CCNH: variants seen among roughly 807,000 people sequenced by gnomAD.
CCNH encodes the protein cyclin H, also known as cyclin-H.
A neutral mutation model predicts 41.9 loss-of-function variants in CCNH; 31 were observed. That is an observed-to-expected ratio of 0.74 (90% CI 0.56 to 1.00). The LOEUF (loss-of-function observed/expected upper bound fraction) is 1.00. CCNH is among the 50% of genes least tolerant of loss of function. The pLI is 0.00. For synonymous variants in CCNH, 138 were observed against 136.1 expected (o/e 1.01, Z -0.10); for missense variants, 362 against 388.4 (o/e 0.93, Z 0.57).
chr5:87,378,167 G>A (rs574720084), upstream of CCNH, among the ~76,000 whole-genome samples: 2 of 152,274 alleles, frequency 1.3e-5, no homozygotes, highest in South Asian at 4.1e-4. Context: ...ACATGGCAGT[G>A]TTAATCCCTT....
intron 9 of CCNH, among the ~76,000 whole-genome samples, chr5:87,320,733 C>T (rs1006349205): frequency 6.6e-6 from 1 of 152,194 alleles, no homozygotes; most frequent in Non-Finnish European, 1.5e-5. Flanking sequence ...GCAACCATAT[C>T]AGAGGGAGGT....
chr5:87,354,894 T>G (rs1759538043), intron 9 of CCNH, among the ~76,000 whole-genome samples: 1 of 152,152 alleles, frequency 6.6e-6, no homozygotes, highest in African/African-American at 2.4e-5. Flanking sequence ...GATTGAAGAT[T>G]AAACCAGGGA....
At chr5:87,409,696 TTAGA>T (rs1764081229) in intron 2 of CCNH, among the ~76,000 whole-genome samples, 1 of 151,500 alleles carries the variant, frequency 6.6e-6, no homozygotes, top group Non-Finnish European at 1.5e-5. Flanking sequence ...ATGTTCTGAA[TTAGA>T]TAAATTCAGG....
intron 1 of CCNH, chr5:87,412,429 A>T: frequency 2.2e-6 from 3 of 1,353,362 alleles, no homozygotes; most frequent in Non-Finnish European, 2.9e-6. Context: ...TTAGCACACT[A>T]CTTACTCTCT....
At chr5:87,362,315 AGTT>A (rs1377721297) in intron 9 of CCNH, among the ~76,000 whole-genome samples, 4 of 152,174 alleles carry the variant, frequency 2.6e-5, no homozygotes, top group African/African-American at 7.2e-5. Context: ...ACAACTTATT[AGTT>A]GTTCTTGGGA....
intron 7 of CCNH, among the ~76,000 whole-genome samples, chr5:87,398,090 C>T (rs1023191921): frequency 2.6e-5 from 4 of 152,220 alleles, no homozygotes; most frequent in Non-Finnish European, 5.9e-5. Context: ...AACATTACTT[C>T]TCTGTAACCA....
At chr5:87,354,437 G>A (rs1355234692) in intron 9 of CCNH, among the ~76,000 whole-genome samples, 1 of 152,044 alleles carries the variant, frequency 6.6e-6, no homozygotes, top group Non-Finnish European at 1.5e-5. Context: ...GATCTTTAAT[G>A]TTACTATTGC....
upstream of CCNH, chr5:87,378,432 C>G: frequency 6.2e-7 from 1 of 1,612,946 alleles, no homozygotes; most frequent in Non-Finnish European, 8.5e-7. Context: ...ACAACACTTG[C>G]AAGCACCTTG....
At chr5:87,391,789 A>G (rs1762545599), downstream of CCNH, 1 of 231,704 alleles carries the variant, frequency 4.3e-6, no homozygotes, top group Admixed American at 5.6e-5. Context: ...CCATCTTTGA[A>G]CTTCTGACTA....
In CCNH at chr5:87,333,286, G is replaced by A. The variant is rs753769946; in HGVS notation, c.*91-14389C>T. 7 of 1,612,710 alleles carry A rather than the reference G, an allele frequency of 4.3e-6. No homozygotes were observed. Among genetic ancestry groups the A allele is most frequent in the Non-Finnish European group, 5.9e-6 (7 of 1,179,360 alleles). On this transcript the variant is annotated intron_variant and NMD_transcript_variant, in intron 9 of 9. Coordinates refer to the CCNH transcript ENST00000645953. ...TTCTAGCCAGTAGAAGATAGAAGGC[G>A]TGTACGAGCTATTCTACCTTACACA...
In CCNH at chr5:87,320,238, T is replaced by A. The variant is rs1457901036; in HGVS notation, c.*91-1341A>T. The stretch of plus-strand genomic sequence containing the variant: ...AGGAAGTCTGAAACTTTCCCACATC[T>A]TCTGTCTTCTTCTGATCTCTCCAAA... On this transcript the variant is annotated intron_variant and NMD_transcript_variant, in intron 9 of 9. Coordinates refer to the CCNH transcript ENST00000645953. Among the ~76,000 whole-genome samples, 3 of 152,228 alleles carry A rather than the reference T, an allele frequency of 2.0e-5. No homozygotes were observed. In the East Asian group the frequency reaches 5.8e-4, roughly 29 times the overall value.
chr5:87,366,685 GAA>G (rs1394314305), intron 9 of CCNH, among the ~76,000 whole-genome samples: 4 of 152,184 alleles, frequency 2.6e-5, no homozygotes, highest in Non-Finnish European at 5.9e-5. Context: ...AACCTAGTAT[GAA>G]AAAGTTATGT....
intron 9 of CCNH, among the ~76,000 whole-genome samples, chr5:87,342,972 A>G (rs1758590721): frequency 6.6e-6 from 1 of 152,134 alleles, no homozygotes; most frequent in South Asian, 2.1e-4. Context: ...TTTTTATCTG[A>G]TAGCATTGTC....
At chr5:87,327,033 A>G (rs962026200) in intron 9 of CCNH, among the ~76,000 whole-genome samples, 3 of 152,230 alleles carry the variant, frequency 2.0e-5, no homozygotes, top group African/African-American at 7.2e-5. Flanking sequence ...AATCAGTCCC[A>G]TATCCTTTGA....
At chr5:87,412,296 C>CA (rs1764313660) in intron 1 of CCNH, 1 of 512,006 alleles carries the variant, frequency 2.0e-6, no homozygotes, top group South Asian at 4.9e-5. Flanking sequence ...ACCTCCCTCC[C>CA]ACTCTGAACG....
intron 9 of CCNH, among the ~76,000 whole-genome samples, chr5:87,352,366 G>A (rs1165494070): frequency 1.3e-5 from 2 of 151,372 alleles, no homozygotes; most frequent in Non-Finnish European, 3.0e-5. Context: ...AAATCTGTCT[G>A]GAGAAGTGTT....
At chr5:87,334,012 C>A in intron 9 of CCNH, among the ~76,000 whole-genome samples, 1 of 152,094 alleles carries the variant, frequency 6.6e-6, no homozygotes, top group East Asian at 1.9e-4. Context: ...TTTAGGACAG[C>A]AGTTCTGTAA....
intron 9 of CCNH, chr5:87,363,332 T>G: frequency 1.3e-6 from 2 of 1,574,582 alleles, no homozygotes; most frequent in Non-Finnish European, 1.7e-6. Flanking sequence ...AGAAAACAAT[T>G]TTTTTTTTTA....
intron 9 of CCNH, among the ~76,000 whole-genome samples, chr5:87,367,192 GA>G (rs2112468690): frequency 6.6e-6 from 1 of 152,174 alleles, no homozygotes; most frequent in East Asian, 1.9e-4. Flanking sequence ...ACATTTCAAG[GA>G]AATGAGAAGA....
Sources: allele counts gnomAD v4.1 joint callset (sites outside exome capture counted in the v4.1 genomes callset), GRCh38; gene constraint gnomAD v4.1.1; transcripts MANE v1.5; gene names NCBI Gene and HGNC (gene_info 2026-07-23, HGNC 2026-07-21).